Variants in SRRM2 observed in about 807,000 individuals in gnomAD.
SRRM2 encodes the protein serine/arginine repetitive matrix protein 2.
A neutral mutation model predicts 213.8 loss-of-function variants in SRRM2; 30 were observed. That is an observed-to-expected ratio of 0.14 (90% CI 0.10 to 0.19). The LOEUF is 0.19. Among genes scored for constraint, SRRM2 ranks in the 10% least tolerant of loss-of-function variants. The pLI, the probability that SRRM2 is intolerant of heterozygous loss-of-function variation, is 1.00. For missense variants in SRRM2, 4,904 were observed against 3,647.0 expected (o/e 1.34, Z -8.88); for synonymous variants, 2,025 against 1,377.7 (o/e 1.47, Z -10.40).
rs151045014 is a variant in SRRM2, at chr16:2,766,808, C to G, written c.6280C>G (p.Pro2094Ala). Residue 2094 changes from proline (P) to alanine (A), a missense_variant, in exon 11 of 15, where the codon CCA becomes GCA. Pro to Ala is a conservative substitution (Grantham distance 27). Transcript: ENST00000301740. This position sits in a 1 kb window ranked among gnomAD's most constrained non-coding sequence, Gnocchi z 7.0. Reference protein sequence around the residue: ...SSDRSRSATPPATRNHSGSRT... With the variant: ...SSDRSRSATPAATRNHSGSRT... ...TGATCGTTCACGATCTGCTACTCCT[C>G]CAGCAACAAGAAATCATTCTGGTTC... is the stretch of plus-strand genomic sequence containing the variant. 1.4e-5 allele frequency: 22 copies of G among 1,614,082 alleles called. No individual in the cohort carries two copies. The highest frequency in any genetic ancestry group is 1.9e-5 in the Non-Finnish European group (22 of 1,180,038).
Position 2,752,730 on chromosome 16 carries a change from C to G in SRRM2, c.-148C>G. 1 of 350,908 alleles carries G rather than the reference C, an allele frequency of 2.8e-6. No individual in the cohort carries two copies. The highest frequency in any genetic ancestry group is 1.9e-5 in the South Asian group (1 of 52,044). The allele number at this position is 350,908 out of a possible 1,614,324, so 21.7% of individuals were successfully genotyped here. On this transcript the variant is annotated 5_prime_UTR_variant, in exon 1 of 15. Coordinates refer to ENST00000301740, the MANE Select transcript of SRRM2 (RefSeq NM_016333.4). ...GGAAGCGAGGAGGCGTCGGCGTCGG[C>G]TGAGGCGGGCGGACCGGCGAGGCGA...
At position 2,760,164 on chromosome 16, in the gene SRRM2, T is replaced by C. The variant is rs530699925; in HGVS notation, c.834-137T>C. The stretch of plus-strand genomic sequence containing the variant: ...CTGTACTTGCATTTCAGTGAATGAT[T>C]TGAGTTGTGCGACTAAAGGCTTTTT... On this transcript the variant is annotated intron_variant, in intron 9 of 14. Transcript: ENST00000301740. 2.1e-4 allele frequency: 165 copies of C among 793,786 alleles called. 1 individual carries two copies. In the South Asian group the frequency reaches 2.6e-3, roughly 12 times the overall value. The allele number at this position is 793,786 out of a possible 1,614,324, so 49.2% of individuals were successfully genotyped here.
At position 2,767,876 on chromosome 16, in the gene SRRM2, C is replaced by T; in HGVS notation, c.7348C>T (p.Pro2450Ser). 3 of 1,614,172 alleles carry T rather than the reference C, an allele frequency of 1.9e-6. No homozygotes were observed. Among genetic ancestry groups the T allele is most frequent in the Middle Eastern group, 1.6e-4 (1 of 6,062 alleles). The change falls in exon 11 of 15, where the codon CCT becomes TCT. Residue 2450 changes from proline (P) to serine (S), a missense_variant. Transcript: ENST00000301740. ...LPPAQDQPRS[P>S]VPSAFSDQSR... ...TCCAGCACAGGATCAGCCGAGGTCT[C>T]CTGTGCCTTCTGCTTTTTCAGACCA... is the stretch of plus-strand genomic sequence containing the variant.
rs777691510 is a variant in SRRM2, at chr16:2,766,802, ACTC to A, written c.6279_6281del (p.Pro2094del). The A allele has an allele frequency of 1.4e-5, 22 of 1,613,754 alleles. No homozygotes were observed. The African/African-American group carries it at 2.4e-4, about 18-fold the overall frequency. On this transcript the variant is annotated inframe_deletion, in exon 11 of 15. Transcript: ENST00000301740. The surrounding 1 kb of genome is among the most constrained non-coding windows in gnomAD (Gnocchi z 7.0). ...TAGTTCTGATCGTTCACGATCTGCT[ACTC>A]CTCCAGCAACAAGAAATCATTCTGG... is the stretch of plus-strand genomic sequence containing the variant.
In SRRM2 at chr16:2,765,311, C is replaced by T. The variant is rs1318583545; in HGVS notation, c.4783C>T (p.Arg1595Cys). The part of the protein sequence containing the change: ...VDSKSRLSPR[R>C]SRSGSSPEVK... Reference sequence around the variant, plus strand: ...CAGCAAATCTCGACTATCCCCTCGGCGCAGTAGGTCTGGTTCCTCCCCTGA... The same window carrying T: ...CAGCAAATCTCGACTATCCCCTCGGTGCAGTAGGTCTGGTTCCTCCCCTGA... The change falls in exon 11 of 15, where the codon CGC (arginine) becomes TGC (cysteine). Residue 1595 changes from arginine to cysteine, a missense_variant. Transcript: ENST00000301740. 8.1e-6 allele frequency: 13 copies of T among 1,614,136 alleles called. No homozygotes were observed. Among genetic ancestry groups the T allele is most frequent in the Admixed American group, 3.3e-5 (2 of 60,018 alleles).
intron 8 of SRRM2, 58 bp downstream of exon 8, chr16:2,759,460 G>C: frequency 6.3e-7 from 1 of 1,597,722 alleles, no homozygotes. Flanking sequence ...CTTAGTGGGA[G>C]GGAGTTGAAT....
intron 12 of SRRM2, 168 bp downstream of exon 12, chr16:2,769,452 T>C (rs2068662292): frequency 1.2e-6 from 1 of 806,002 alleles, no homozygotes; most frequent in Non-Finnish European, 2.0e-6. Flanking sequence ...CACCCTGTTC[T>C]GGCGAAGGGC....
At chr16:2,770,751 G>C (rs1278249109) in intron 14 of SRRM2, 34 bp downstream of exon 14, 3 of 1,592,038 alleles carry the variant, frequency 1.9e-6, no homozygotes, top group Non-Finnish European at 8.6e-7. Flanking sequence ...CCCCCTTCCG[G>C]GAGCCAGTTG....
At chr16:2,760,117 G>T (rs1423365529) in intron 9 of SRRM2, 184 bp from the exon 10 acceptor site, 2 of 645,724 alleles carry the variant, frequency 3.1e-6, no homozygotes, top group Non-Finnish European at 5.4e-6. Context: ...GATTGTGTTG[G>T]GAAAAGAAGA....
intron 5 of SRRM2, 67 bp from the exon 6 acceptor site, chr16:2,758,918 A>C: frequency 6.3e-7 from 1 of 1,579,588 alleles, no homozygotes; most frequent in Non-Finnish European, 8.7e-7. Flanking sequence ...TTTAGGAGAG[A>C]GATTGTAAGT....
chr16:2,753,441 C>T (rs2068016203), intron 1 of SRRM2: 1 of 152,238 alleles, frequency 6.6e-6, no homozygotes. Flanking sequence ...CGGCTATCAG[C>T]CTTTGAGTTG....
At position 2,765,307 on chromosome 16, in the gene SRRM2, T is replaced by A; in HGVS notation, c.4779T>A (p.Pro1593=). The change falls in exon 11 of 15, where the codon CCT becomes CCA. Residue 1593 remains proline, a synonymous_variant. Transcript: ENST00000301740. ...PEVDSKSRLS[P]RRSRSGSSPE... Reference sequence around the variant, plus strand: ...TTGACAGCAAATCTCGACTATCCCCTCGGCGCAGTAGGTCTGGTTCCTCCC... The same window carrying A: ...TTGACAGCAAATCTCGACTATCCCCACGGCGCAGTAGGTCTGGTTCCTCCC... 2 of 1,614,052 alleles carry A rather than the reference T, an allele frequency of 1.2e-6. No individual in the cohort carries two copies. The highest frequency in any genetic ancestry group is 2.2e-5 in the South Asian group (2 of 91,056).
chr16:2,766,065 C>T lies in SRRM2; in HGVS notation c.5537C>T (p.Pro1846Leu). The change falls in exon 11 of 15, where the codon CCA becomes CTA. Residue 1846 changes from proline (P) to leucine (L), a missense_variant. By Grantham distance (98) the Pro-to-Leu change is moderately conservative. Transcript: ENST00000301740. This position sits in a 1 kb window ranked among gnomAD's most constrained non-coding sequence, Gnocchi z 7.0. ...RRRRGRSRTP[P>L]TSRKRSRSRT... is the part of the protein sequence containing the mutation. ...CGAAGAGGCCGCTCTCGGACACCCC[C>T]AACCAGTCGGAAGCGTTCTCGCTCA... The T allele has an allele frequency of 1.2e-6, 2 of 1,614,194 alleles. No homozygotes were observed. Among genetic ancestry groups the T allele is most frequent in the African/African-American group, 1.3e-5 (1 of 75,062 alleles).
chr16:2,758,117 GTAAT>G (rs2068212833), intron 4 of SRRM2, among the ~76,000 whole-genome samples, 172 bp downstream of exon 4: 1 of 152,188 alleles, frequency 6.6e-6, no homozygotes. Flanking sequence ...GGTCACGCGC[GTAAT>G]CCCAGCATTT....
chr16:2,753,892 T>C (rs2068040433), intron 1 of SRRM2, among the ~76,000 whole-genome samples: 1 of 152,154 alleles, frequency 6.6e-6, no homozygotes, highest in South Asian at 2.1e-4. Flanking sequence ...TCGACAACCC[T>C]TGTCTCCCCT....
Position 2,765,514 on chromosome 16 carries a change from G to T in SRRM2, c.4986G>T (p.Pro1662=). 6.2e-7 allele frequency: 1 copy of T among 1,614,054 alleles called. No individual in the cohort carries two copies. Among genetic ancestry groups the T allele is most frequent in the Non-Finnish European group, 8.5e-7 (1 of 1,180,018 alleles). Residue 1662 remains proline, a synonymous_variant, in exon 11 of 15, where the codon CCG becomes CCT. Coordinates refer to ENST00000301740, the MANE Select transcript of SRRM2 (RefSeq NM_016333.4). ...SSSTESSPEH[P]PKSRTARRGS... ...GTACCGAGTCCTCTCCTGAACATCCGCCCAAATCCAGAACTGCTCGCAGAG... is the reference window on the plus strand; with the variant it reads ...GTACCGAGTCCTCTCCTGAACATCCTCCCAAATCCAGAACTGCTCGCAGAG...
chr16:2,768,730 C>G, intron 11 of SRRM2: 1 of 722,556 alleles, frequency 1.4e-6, no homozygotes, highest in Non-Finnish European at 2.5e-6. Flanking sequence ...CACACCTGAG[C>G]CCAGAGGCCT....
rs748826796 is a variant in SRRM2, at chr16:2,769,150, C to CTCCTCT, written c.7896_7901dup (p.Ser2647_Ser2648dup). 3 of 1,611,564 alleles carry CTCCTCT rather than the reference C, an allele frequency of 1.9e-6. No individual in the cohort carries two copies. The highest frequency in any genetic ancestry group is 2.5e-6 in the Non-Finnish European group (3 of 1,178,008). On this transcript the variant is annotated inframe_insertion, in exon 12 of 15. Coordinates refer to ENST00000301740, the MANE Select transcript of SRRM2 (RefSeq NM_016333.4). ...CCTCCTCCTCCTCCTCTTCTTCCTCCTCCTCTTCCTCTTCTTCTTCTTCCT... is the reference window on the plus strand; with the variant it reads ...CCTCCTCCTCCTCCTCTTCTTCCTCCTCCTCTTCCTCTTCCTCTTCTTCTTCTTCCT...
rs779722729 is a variant in SRRM2 at position 2,763,974 on chromosome 16, A to G, written c.3446A>G (p.Asp1149Gly). The G allele has an allele frequency of 7.4e-6, 12 of 1,614,138 alleles. No homozygotes were observed. In the South Asian group the frequency reaches 1.3e-4, roughly 18 times the overall value. Residue 1149 changes from aspartate (D) to glycine (G), a missense_variant, in exon 11 of 15, where the codon GAC becomes GGC. Transcript: ENST00000301740. ...GACTCTTCTTCATATCCTACAGTGG[A>G]CTCGAATTCTCTCTTGGGGCAGAGT... is the stretch of plus-strand genomic sequence containing the variant. ...QSDSSSYPTV[D>G]SNSLLGQSRL...
Sources: allele counts gnomAD v4.1 joint callset (sites outside exome capture counted in the v4.1 genomes callset), GRCh38; gene constraint gnomAD v4.1.1; non-coding constraint Gnocchi (gnomAD v3.1); transcripts MANE v1.5; gene names NCBI Gene and HGNC (gene_info 2026-07-23, HGNC 2026-07-21).